Variants in BABAM2 observed in about 807,000 individuals in gnomAD.
The protein encoded by BABAM2 is BRISC and BRCA1-A complex member 2.
Under a neutral mutation model 54.7 loss-of-function variants are expected in BABAM2, and 31 were observed. That is an observed-to-expected ratio of 0.57 (90% CI 0.43 to 0.77). BABAM2 has a LOEUF of 0.77. BABAM2 is among the 30% of genes least tolerant of loss of function. The pLI, the probability that BABAM2 is intolerant of heterozygous loss-of-function variation, is 0.00. For synonymous variants in BABAM2, 167 were observed against 162.9 expected (o/e 1.03, Z -0.19); for missense variants, 364 against 455.8 (o/e 0.80, Z 1.83).
chr2:27,987,508 G>T (rs1046448730), intron 3 of BABAM2, among the ~76,000 whole-genome samples: 4 of 152,004 alleles, frequency 2.6e-5, no homozygotes, highest in African/African-American at 9.7e-5. Context: ...GCTTGTTGTG[G>T]ATGTTAAATT....
chr2:28,336,368 A>G (rs1490974837), intron 11 of BABAM2, among the ~76,000 whole-genome samples: 1 of 152,220 alleles, frequency 6.6e-6, no homozygotes, highest in Non-Finnish European at 1.5e-5. Context: ...AAAAGTGATG[A>G]AAACATCCAT....
At chr2:28,296,837 G>A (rs1411426064) in intron 10 of BABAM2, among the ~76,000 whole-genome samples, 1 of 152,066 alleles carries the variant, frequency 6.6e-6, no homozygotes, top group Non-Finnish European at 1.5e-5. Context: ...ATAGGTGCTT[G>A]CCACCACGCC....
intron 6 of BABAM2, among the ~76,000 whole-genome samples, chr2:28,083,612 C>T (rs569590667): frequency 5.7e-4 from 87 of 152,136 alleles, no homozygotes; most frequent in Non-Finnish European, 9.9e-4. Flanking sequence ...ATGATCTTGC[C>T]TCTTATTTTT....
At chr2:28,254,605 G>A (rs952730564) in intron 10 of BABAM2, among the ~76,000 whole-genome samples, 9 of 151,908 alleles carry the variant, frequency 5.9e-5, no homozygotes, top group African/African-American at 1.9e-4. Flanking sequence ...ATCGCAGTTT[G>A]AATACCTTGT....
chr2:27,985,397 T>G (rs1672330421), intron 3 of BABAM2, among the ~76,000 whole-genome samples: 1 of 152,060 alleles, frequency 6.6e-6, no homozygotes, highest in African/African-American at 2.4e-5. Flanking sequence ...ATTATTAATA[T>G]TTTTTTGATT....
At chr2:28,286,376 A>C (rs893834353) in intron 10 of BABAM2, among the ~76,000 whole-genome samples, 1 of 152,054 alleles carries the variant, frequency 6.6e-6, no homozygotes, top group African/African-American at 2.4e-5. Context: ...TTTTCCCTAG[A>C]AATGTTCAAG....
intron 6 of BABAM2, among the ~76,000 whole-genome samples, chr2:28,121,646 A>G (rs1368555622): frequency 6.6e-6 from 1 of 152,076 alleles, no homozygotes; most frequent in Non-Finnish European, 1.5e-5. Flanking sequence ...CACCCTTTTA[A>G]ACTTTCATTT....
At chr2:27,899,887 C>T (rs1416767398) in intron 2 of BABAM2, among the ~76,000 whole-genome samples, 1 of 152,192 alleles carries the variant, frequency 6.6e-6, no homozygotes, top group Non-Finnish European at 1.5e-5. Context: ...TACCTCTACC[C>T]ACATTCATAA....
chr2:28,179,947 T>C (rs1179776349), intron 7 of BABAM2, among the ~76,000 whole-genome samples: 2 of 151,834 alleles, frequency 1.3e-5, no homozygotes, highest in African/African-American at 4.8e-5. Flanking sequence ...CTACAAAACA[T>C]TGATGAAAGA....
chr2:27,931,181 T>C (rs1668064349), intron 3 of BABAM2, among the ~76,000 whole-genome samples: 1 of 152,238 alleles, frequency 6.6e-6, no homozygotes, highest in Non-Finnish European at 1.5e-5. Context: ...AAAATAATTT[T>C]ACCTGTCTGA....
intron 6 of BABAM2, among the ~76,000 whole-genome samples, chr2:28,110,637 T>TAAATA (rs913519986): frequency 4.0e-5 from 6 of 151,564 alleles, no homozygotes; most frequent in South Asian, 4.2e-4. Flanking sequence ...AAAAAATAAA[T>TAAATA]AAATAAAATA....
intron 3 of BABAM2, among the ~76,000 whole-genome samples, chr2:27,937,762 C>G (rs1668592518): frequency 6.6e-6 from 1 of 152,078 alleles, no homozygotes. Context: ...TGTAGGTTGT[C>G]TCTGCAGTCT....
chr2:27,947,449 C>G (rs1459688876), intron 3 of BABAM2, among the ~76,000 whole-genome samples: 2 of 152,106 alleles, frequency 1.3e-5, no homozygotes, highest in Non-Finnish European at 2.9e-5. Context: ...TTCCCCTACT[C>G]AACTCCTCTG....
intron 7 of BABAM2, among the ~76,000 whole-genome samples, chr2:28,163,444 T>C (rs1673303761): frequency 6.6e-6 from 1 of 152,146 alleles, no homozygotes; most frequent in African/African-American, 2.4e-5. Flanking sequence ...AAAAAGAACA[T>C]TTTTCTTGTC....
intron 10 of BABAM2, among the ~76,000 whole-genome samples, chr2:28,267,132 G>C (rs755175890): frequency 4.6e-5 from 7 of 152,066 alleles, no homozygotes; most frequent in Non-Finnish European, 8.8e-5. Flanking sequence ...CTCCAGCCTG[G>C]GTGACAAGAG....
chr2:28,224,435 T>C (rs757349482), intron 7 of BABAM2, among the ~76,000 whole-genome samples: 26 of 152,250 alleles, frequency 1.7e-4, no homozygotes, highest in Non-Finnish European at 2.9e-4. Context: ...GCCAGACCCC[T>C]GACTTGCTGC....
At chr2:28,337,568 C>T (rs76110205) in intron 11 of BABAM2, among the ~76,000 whole-genome samples, 2,012 of 152,334 alleles carry the variant, frequency 0.013, 43 homozygotes, top group African/African-American at 0.046. Flanking sequence ...AACGGGCTGC[C>T]CCCGGTCCTG....
intron 3 of BABAM2, among the ~76,000 whole-genome samples, chr2:27,948,950 G>A (rs1355759908): frequency 6.6e-6 from 1 of 151,958 alleles, no homozygotes; most frequent in Non-Finnish European, 1.5e-5. Flanking sequence ...GGGATTTTTT[G>A]TTTTGTTTAG....
intron 6 of BABAM2, among the ~76,000 whole-genome samples, chr2:28,114,505 A>G (rs147550715): frequency 2.0e-5 from 3 of 152,346 alleles, no homozygotes; most frequent in African/African-American, 7.2e-5. Context: ...AGAAGAAGGA[A>G]GAAACTTCTC....
Sources: gnomAD v4.1 joint callset for allele counts (sites outside exome capture counted in the v4.1 genomes callset) on GRCh38, gnomAD v4.1.1 for gene constraint, MANE v1.5 for transcripts, NCBI Gene and HGNC (gene_info 2026-07-23, HGNC 2026-07-21) for gene names.